HIRA: variants seen among roughly 807,000 people sequenced by gnomAD.
HIRA encodes the protein histone cell cycle regulator, also known as protein HIRA.
Under a neutral mutation model 126.6 loss-of-function variants are expected in HIRA, and 13 were observed. The ratio of observed to expected loss-of-function variants is 0.10; its 90% CI spans 0.07 to 0.16. HIRA has a LOEUF of 0.16. HIRA is among the 10% of genes least tolerant of loss of function. HIRA has a pLI of 1.00. For synonymous variants in HIRA, 511 were observed against 520.0 expected (o/e 0.98, Z 0.24); for missense variants, 834 against 1,314.4 (o/e 0.63, Z 5.65).
chr22:19,385,758 T>G (rs755669201), intron 11 of HIRA, 22 bp from the exon 12 acceptor site: 6 of 1,604,568 alleles, frequency 3.7e-6, no homozygotes, highest in Non-Finnish European at 5.1e-6. Context: ...AGGAGAGGCA[T>G]GACATGCCAG....
chr22:19,334,568 C>T (rs1448044823), intron 24 of HIRA, among the ~76,000 whole-genome samples: 5 of 151,440 alleles, frequency 3.3e-5, no homozygotes, highest in African/African-American at 1.2e-4. Context: ...GGCTGGATCA[C>T]TTGAGGTCAG....
At chr22:19,331,786 G>GGTCTGCT (rs2088490954) in intron 24 of HIRA, among the ~76,000 whole-genome samples, 1 of 152,172 alleles carries the variant, frequency 6.6e-6, no homozygotes, top group East Asian at 1.9e-4. Context: ...GCCAATGCAG[G>GGTCTGCT]GTCTGCTCCT....
intron 5 of HIRA, among the ~76,000 whole-genome samples, chr22:19,403,113 A>G (rs190535535): frequency 1.8e-4 from 28 of 151,918 alleles, no homozygotes; most frequent in South Asian, 8.3e-4. Flanking sequence ...AAAAAAAAAA[A>G]AAAAAGAAAA....
chr22:19,341,614 T>C (rs1199679173), intron 24 of HIRA, among the ~76,000 whole-genome samples: 2 of 151,976 alleles, frequency 1.3e-5, no homozygotes, highest in African/African-American at 4.8e-5. Context: ...AACAGACCAA[T>C]GGAACAGAAT....
At position 19,377,891 on chromosome 22, in the gene HIRA, C is replaced by G. The variant is rs1234484328; in HGVS notation, c.1591G>C (p.Gly531Arg). 6.2e-7 allele frequency: 1 copy of G among 1,611,748 alleles called. No individual in the cohort carries two copies. Among genetic ancestry groups the G allele is most frequent in the Admixed American group, 1.7e-5 (1 of 59,644 alleles). ...PVVAASARPA[G>R]DSVNKDSMNA... ...AACCTGTCTTTATTGACAGAATCGC[C>G]TGCAGGTCTGGCACTGGCAGCCACC... The change falls in exon 14 of 25, where the codon GGC becomes CGC. Residue 531 changes from glycine to arginine, a missense_variant. By Grantham distance (125) the Gly-to-Arg change is moderately radical. Coordinates refer to ENST00000263208, the MANE Select transcript of HIRA (RefSeq NM_003325.4).
chr22:19,343,752 C>T (rs2088656802), intron 24 of HIRA, among the ~76,000 whole-genome samples: 2 of 151,366 alleles, frequency 1.3e-5, no homozygotes, highest in Non-Finnish European at 1.5e-5. Context: ...ATGGAGAAAA[C>T]CCCATCTCTA....
At position 19,408,571 on chromosome 22, in the gene HIRA, C is replaced by G. The variant is rs2089325523; in HGVS notation, c.123G>C (p.Val41=). 6.2e-7 allele frequency: 1 copy of G among 1,612,562 alleles called. No individual in the cohort carries two copies. Among genetic ancestry groups the G allele is most frequent in the Non-Finnish European group, 8.5e-7 (1 of 1,178,578 alleles). Residue 41 remains valine, a synonymous_variant, in exon 3 of 25, where the codon GTG becomes GTC. Coordinates refer to ENST00000263208, the MANE Select transcript of HIRA (RefSeq NM_003325.4). ...GGQGQDSGKV[V]IWNMSPVLQE... ...GGAGGACTGGAGACATATTCCAGAT[C>G]ACAACCTTCCCAGAATCCTGCCCTG...
chr22:19,355,033 G>A (rs1196657688), intron 21 of HIRA, among the ~76,000 whole-genome samples: 2 of 151,948 alleles, frequency 1.3e-5, no homozygotes, highest in South Asian at 2.1e-4. Context: ...CTCCCACAGC[G>A]CTGGGATTAC....
At chr22:19,399,543 A>G (rs1226599158) in intron 5 of HIRA, among the ~76,000 whole-genome samples, 2 of 152,048 alleles carry the variant, frequency 1.3e-5, no homozygotes, top group East Asian at 3.9e-4. Context: ...GCCCGTGTGT[A>G]TTTGTCACTC....
intron 15 of HIRA, among the ~76,000 whole-genome samples, chr22:19,372,808 G>A (rs934241179): frequency 6.6e-6 from 1 of 152,106 alleles, no homozygotes; most frequent in African/African-American, 2.4e-5. Context: ...CTGACCTCAG[G>A]TGATCCACCC....
chr22:19,389,500 T>C (rs146182113), intron 9 of HIRA, among the ~76,000 whole-genome samples: 1 of 152,282 alleles, frequency 6.6e-6, no homozygotes, highest in Non-Finnish European at 1.5e-5. Context: ...CAGTGCAGCC[T>C]GAGACTGCTA....
At chr22:19,372,558 A>C (rs2088976350) in intron 15 of HIRA, among the ~76,000 whole-genome samples, 2 of 151,206 alleles carry the variant, frequency 1.3e-5, no homozygotes, top group South Asian at 4.2e-4. Flanking sequence ...CTTTGGAAGC[A>C]AAAAAGCTTT....
chr22:19,364,103 T>C (rs1034451643), intron 15 of HIRA, among the ~76,000 whole-genome samples: 1 of 151,944 alleles, frequency 6.6e-6, no homozygotes, highest in Admixed American at 6.6e-5. Flanking sequence ...TGGGAACTCT[T>C]TGTATTTCCT....
chr22:19,411,775 C>A (rs574527326), intron 1 of HIRA, among the ~76,000 whole-genome samples: 1 of 152,096 alleles, frequency 6.6e-6, no homozygotes, highest in South Asian at 2.1e-4. Flanking sequence ...AATGTGGACA[C>A]AGTACCAGAG....
At chr22:19,421,639 T>C (rs558077500) in intron 1 of HIRA, among the ~76,000 whole-genome samples, 68 of 152,304 alleles carry the variant, frequency 4.5e-4, no homozygotes, top group Admixed American at 5.2e-4. Flanking sequence ...GCCCTTAGAC[T>C]GGAACTCATC....
rs1298936040 is a variant in HIRA at position 19,384,179 on chromosome 22, G to A, written c.1330-474C>T. 3.3e-5 allele frequency among the ~76,000 whole-genome samples: 5 copies of A among 151,986 alleles called. No homozygotes were observed. The South Asian group carries it at 6.3e-4, about 19-fold the overall frequency. On this transcript the variant is annotated intron_variant, in intron 12 of 24. Coordinates refer to ENST00000263208, the MANE Select transcript of HIRA (RefSeq NM_003325.4). ...CTAAAAATACAAAAATTAGCTGGGC[G>A]TGGTGGTGTGTAACTGTAATCCCAG...
chr22:19,337,843 G>A (rs1282151549), intron 24 of HIRA, among the ~76,000 whole-genome samples: 1 of 152,112 alleles, frequency 6.6e-6, no homozygotes, highest in Non-Finnish European at 1.5e-5. Context: ...CCAGGCTGGA[G>A]TGCAGTGGTG....
chr22:19,369,823 T>C (rs1228615520), intron 15 of HIRA, among the ~76,000 whole-genome samples: 1 of 152,052 alleles, frequency 6.6e-6, no homozygotes, highest in Non-Finnish European at 1.5e-5. Context: ...TCCCAGCTAC[T>C]AGGGAGGCTG....
intron 2 of HIRA, among the ~76,000 whole-genome samples, chr22:19,410,251 C>G (rs2089341669): frequency 6.6e-6 from 1 of 152,238 alleles, no homozygotes; most frequent in Non-Finnish European, 1.5e-5. Context: ...TTCTTACTTG[C>G]CCACAGTGTG....
Sources: allele counts gnomAD v4.1 joint callset (sites outside exome capture counted in the v4.1 genomes callset), GRCh38; gene constraint gnomAD v4.1.1; transcripts MANE v1.5; gene names NCBI Gene and HGNC (gene_info 2026-07-23, HGNC 2026-07-21).